Variants in PCNX1 observed in about 807,000 individuals in gnomAD.
PCNX1 encodes the protein pecanex-like protein 1.
A neutral mutation model predicts 242.2 loss-of-function variants in PCNX1; 78 were observed. The observed-to-expected ratio is 0.32, with a 90% confidence interval of 0.27 to 0.39. The LOEUF (loss-of-function observed/expected upper bound fraction) is 0.39, where lower values mean the gene tolerates loss of function less well. PCNX1 is among the 10% of genes least tolerant of loss of function. The pLI is 1.00. For missense variants in PCNX1, 2,581 were observed against 2,856.5 expected (o/e 0.90, Z 2.20); for synonymous variants, 1,024 against 1,032.9 (o/e 0.99, Z 0.17).
Position 70,978,019 on chromosome 14 carries a change from G to A in PCNX1, c.1682G>A (p.Arg561Lys). ...HRTASAHKSG[R>K]RRTGKKRASS... ...ACAGCTTCTGCCCACAAGTCAGGCA[G>A]GAGACGCACAGGAAAAAAACGGGCT... The change falls in exon 6 of 36, where the codon AGG becomes AAG. Residue 561 changes from arginine to lysine, a missense_variant. By Grantham distance (26) the Arg-to-Lys change is conservative. Around this residue, in one of 9 missense-constraint regions of PCNX1, gnomAD observed 1,204 missense variants for 1,216.7 expected, o/e 0.99. Coordinates refer to ENST00000304743, the MANE Select transcript of PCNX1 (RefSeq NM_014982.3). 1 of 1,614,152 alleles carries A rather than the reference G, an allele frequency of 6.2e-7. No individual in the cohort carries two copies.
At chr14:70,989,395 T>C (rs1426453629) in intron 7 of PCNX1, among the ~76,000 whole-genome samples, 1 of 152,076 alleles carries the variant, frequency 6.6e-6, no homozygotes, top group African/African-American at 2.4e-5. Context: ...TTGTGGATAA[T>C]TTTTCATTAA....
In PCNX1 at chr14:71,050,889, C is replaced by T. The variant is rs2061008275; in HGVS notation, c.4447+129C>T. 7 of 891,646 alleles carry T rather than the reference C, an allele frequency of 7.9e-6. No individual in the cohort carries two copies. The Admixed American group carries it at 1.4e-4, about 18-fold the overall frequency. 55.2% of individuals were successfully genotyped at this position (891,646 alleles called of 1,614,324 possible). ...AATTATCAAAAATTCATAATCTTGG[C>T]CGGGTGCAGTGGCTCACGCCTGTAA... On this transcript the variant is annotated intron_variant, in intron 23 of 35. Transcript: ENST00000304743.
At chr14:70,937,807 C>T (rs976171551) in intron 1 of PCNX1, among the ~76,000 whole-genome samples, 8 of 152,088 alleles carry the variant, frequency 5.3e-5, no homozygotes, top group African/African-American at 9.7e-5. Flanking sequence ...TTTTTTATTT[C>T]GTTGAGCAGT....
intron 26 of PCNX1, among the ~76,000 whole-genome samples, chr14:71,061,316 G>C (rs887400263): frequency 6.6e-6 from 1 of 152,184 alleles, no homozygotes; most frequent in Non-Finnish European, 1.5e-5. Flanking sequence ...GAATGACCCA[G>C]CTTTTCTTCC....
chr14:70,917,294 T>A (rs567765869), intron 1 of PCNX1, among the ~76,000 whole-genome samples: 1 of 152,344 alleles, frequency 6.6e-6, no homozygotes, highest in Admixed American at 6.5e-5. Context: ...TGGTGAGACC[T>A]TTCCAGAAGG....
In PCNX1 at chr14:70,977,719, A is replaced by G. The variant is rs760621348; in HGVS notation, c.1382A>G (p.Asn461Ser). 5 of 1,614,144 alleles carry G rather than the reference A, an allele frequency of 3.1e-6. No homozygotes were observed. In the South Asian group the frequency reaches 3.3e-5, roughly 11 times the overall value. The change falls in exon 6 of 36, where the codon AAC becomes AGC. Residue 461 changes from asparagine (N) to serine (S), a missense_variant. Asn to Ser is a conservative substitution (Grantham distance 46, BLOSUM62 1). This residue lies in a region of PCNX1 where 1,204 missense variants were observed against 1,216.7 expected (regional missense o/e 0.99). Transcript: ENST00000304743. ...SEKIAMEAST[N>S]SGVHEAKDPT... ...AAGATTGCTATGGAAGCGAGTACCA[A>G]CAGTGGGGTTCACGAGGCCAAGGAC...
intron 11 of PCNX1, among the ~76,000 whole-genome samples, chr14:71,018,194 T>C (rs1343252681): frequency 6.6e-6 from 1 of 152,144 alleles, no homozygotes; most frequent in East Asian, 1.9e-4. Context: ...CATTTTTTCA[T>C]TTTTAATAGT....
At chr14:70,952,032 G>A (rs1472198431) in intron 2 of PCNX1, among the ~76,000 whole-genome samples, 1 of 152,148 alleles carries the variant, frequency 6.6e-6, no homozygotes, top group Non-Finnish European at 1.5e-5. Context: ...CTTCTTAATT[G>A]TAAGACATTG....
At position 71,101,964 on chromosome 14, in the gene PCNX1, A is replaced by T. The variant is rs759888330; in HGVS notation, c.5590-26A>T. On this transcript the variant is annotated intron_variant, in intron 30 of 35. Transcript: ENST00000304743. ...ATCAGTTCTTTTATTTTCCTTTAAA[A>T]ATTTATATATTATTTTTGTATTTAG... 3 of 1,327,924 alleles carry T rather than the reference A, an allele frequency of 2.3e-6. No homozygotes were observed. In the South Asian group the frequency reaches 4.3e-5, roughly 19 times the overall value. 82.3% of individuals were successfully genotyped at this position (1,327,924 alleles called of 1,614,324 possible).
intron 28 of PCNX1, among the ~76,000 whole-genome samples, chr14:71,080,150 T>G (rs1231444971): frequency 6.6e-6 from 1 of 152,212 alleles, no homozygotes; most frequent in African/African-American, 2.4e-5. Flanking sequence ...ATTGTCTTGT[T>G]TTTGTCAGGT....
chr14:70,945,344 C>T (rs2057414598), intron 1 of PCNX1, among the ~76,000 whole-genome samples: 1 of 152,108 alleles, frequency 6.6e-6, no homozygotes. Context: ...AATATATTTC[C>T]CAACTTAAAA....
chr14:71,080,338 A>G (rs2141526924), intron 28 of PCNX1, among the ~76,000 whole-genome samples: 1 of 152,198 alleles, frequency 6.6e-6, no homozygotes, highest in African/African-American at 2.4e-5. Context: ...TTTGCTTAGG[A>G]TTGTCTTGGC....
chr14:70,910,196 T>C (rs1594865587), intron 1 of PCNX1, among the ~76,000 whole-genome samples: 1 of 31,552 alleles, frequency 3.2e-5, no homozygotes, highest in African/African-American at 1.3e-4. Flanking sequence ...CTCCTCCTCC[T>C]CCTCCTCCTC....
intron 3 of PCNX1, among the ~76,000 whole-genome samples, chr14:70,964,049 T>C (rs1258275457): frequency 2.6e-5 from 4 of 152,192 alleles, no homozygotes; most frequent in African/African-American, 9.6e-5. Flanking sequence ...TGAAAAGAGC[T>C]ATGACATATT....
Position 70,947,100 on chromosome 14 carries a change from G to T in PCNX1, c.339G>T (p.Arg113Ser), listed in dbSNP as rs145323023. The change falls in exon 2 of 36, where the codon AGG becomes AGT. Residue 113 changes from arginine to serine, a missense_variant. By Grantham distance (110) the Arg-to-Ser change is moderately radical. This residue lies in a region of PCNX1 where 1,204 missense variants were observed against 1,216.7 expected (regional missense o/e 0.99). Coordinates refer to ENST00000304743, the MANE Select transcript of PCNX1 (RefSeq NM_014982.3). ...TKAEQGNCST[R>S]RKDSNGPSDP... ...CTGAACAAGGCAACTGTTCAACCAG[G>T]AGAAAAGACAGCAATGGACCGAGGT... 2,447 of 1,611,936 alleles carry T rather than the reference G, an allele frequency of 1.5e-3. No individual in the cohort carries two copies. Among genetic ancestry groups the T allele is most frequent in the Non-Finnish European group, 2.0e-3 (2,311 of 1,178,930 alleles).
intron 22 of PCNX1, among the ~76,000 whole-genome samples, chr14:71,049,999 A>G (rs1327322328): frequency 6.6e-6 from 1 of 152,222 alleles, no homozygotes; most frequent in Admixed American, 6.5e-5. Flanking sequence ...CTAAATTTCT[A>G]TGGAAACAGG....
Position 71,026,782 on chromosome 14 carries a change from C to T in PCNX1, c.3366C>T (p.Leu1122=), listed in dbSNP as rs780936708. Reference sequence around the variant, plus strand: ...TCTTTCTTTTTATAGTGTTTACACTCTGTTTCCCAATAGTGTTTTTCATTG... The same window carrying T: ...TCTTTCTTTTTATAGTGTTTACACTTTGTTTCCCAATAGTGTTTTTCATTG... ...SARDLVIVFT[L]CFPIVFFIGL... The change falls in exon 15 of 36, where the codon CTC becomes CTT. Residue 1122 remains leucine (L), a synonymous_variant. Coordinates refer to ENST00000304743, the MANE Select transcript of PCNX1 (RefSeq NM_014982.3). The T allele has an allele frequency of 6.9e-6, 10 of 1,455,530 alleles. No homozygotes were observed. The African/African-American group carries it at 1.4e-4, about 20-fold the overall frequency. The allele number at this position is 1,455,530 out of a possible 1,614,324, so 90.2% of individuals were successfully genotyped here.
chr14:70,909,236 A>G (rs2055716559), intron 1 of PCNX1, among the ~76,000 whole-genome samples: 1 of 150,596 alleles, frequency 6.6e-6, no homozygotes, highest in South Asian at 2.1e-4. Context: ...TTTTTCGTTG[A>G]AATTGTTTTG....
chr14:70,932,020 G>A (rs1435663721), intron 1 of PCNX1, among the ~76,000 whole-genome samples: 1 of 152,182 alleles, frequency 6.6e-6, no homozygotes, highest in Non-Finnish European at 1.5e-5. Flanking sequence ...GCAGCTACTC[G>A]GGATGCTGAG....
Sources: allele counts gnomAD v4.1 joint callset (sites outside exome capture counted in the v4.1 genomes callset), GRCh38; gene constraint gnomAD v4.1.1; regional missense constraint gnomAD v4.1.1; transcripts MANE v1.5; gene names NCBI Gene and HGNC (gene_info 2026-07-23, HGNC 2026-07-21).